The following TMEM207 variants were observed in gnomAD, a reference collection of about 807,000 sequenced individuals.
The protein encoded by TMEM207 is transmembrane protein 207.
Under a neutral mutation model 17.4 loss-of-function variants are expected in TMEM207, and 15 were observed. The observed-to-expected ratio is 0.86, with a 90% CI of 0.58 to 1.33. The LOEUF (loss-of-function observed/expected upper bound fraction) is 1.33. Among genes scored for constraint, TMEM207 ranks in the 40% most tolerant of loss-of-function variants. The probability of loss-of-function intolerance (pLI) is 0.00; values close to 1 mark genes in which losing one functional copy is unlikely to be tolerated. For missense variants in TMEM207, 205 were observed against 173.8 expected (o/e 1.18, Z -1.01); for synonymous variants, 70 against 65.6 (o/e 1.07, Z -0.33).
intron 4 of TMEM207, among the ~76,000 whole-genome samples, chr3:190,434,993 T>A (rs1223874583): frequency 6.6e-6 from 1 of 152,224 alleles, no homozygotes; most frequent in Non-Finnish European, 1.5e-5. Context: ...TTTAAACTGT[T>A]TCTTCTCTTC....
At chr3:190,435,056 C>A (rs758981152) in intron 4 of TMEM207, among the ~76,000 whole-genome samples, 10 of 151,734 alleles carry the variant, frequency 6.6e-5, no homozygotes, top group Admixed American at 2.0e-4. Flanking sequence ...TTCTTCTGAT[C>A]TTCTCCTCTT....
chr3:190,447,777 G>C lies in TMEM207; in HGVS notation c.113+13C>G. 1.2e-6 allele frequency: 2 copies of C among 1,608,600 alleles called. No individual in the cohort carries two copies. The highest frequency in any genetic ancestry group is 8.5e-7 in the Non-Finnish European group (1 of 1,177,840). On this transcript the variant is annotated intron_variant, in intron 2 of 4. Transcript: ENST00000354905. ...GCGAAATAAAAACATGGAGTTTTTC[G>C]CTGTTTACTTACATTTCATCTTCTT...
chr3:190,447,834 C>G lies in TMEM207; in HGVS notation c.76-7G>C. ...GTAGGTCCGAGAGCACCAACTGAAACACATGTTTAGAACAATAAAATCCAA... is the reference window on the plus strand; with the variant it reads ...GTAGGTCCGAGAGCACCAACTGAAAGACATGTTTAGAACAATAAAATCCAA... On this transcript the variant is annotated splice_region_variant and splice_polypyrimidine_tract_variant and intron_variant, in intron 1 of 4. Coordinates refer to ENST00000354905, the MANE Select transcript of TMEM207 (RefSeq NM_207316.3). 6.2e-7 allele frequency: 1 copy of G among 1,612,154 alleles called. No individual in the cohort carries two copies. The highest frequency in any genetic ancestry group is 1.1e-5 in the South Asian group (1 of 90,672).
intron 4 of TMEM207, among the ~76,000 whole-genome samples, chr3:190,439,264 A>C (rs537217748): frequency 6.6e-6 from 1 of 152,074 alleles, no homozygotes; most frequent in East Asian, 1.9e-4. Context: ...AGGAAAAAAA[A>C]AAAGCTGGAG....
intron 4 of TMEM207, 139 bp downstream of exon 4, chr3:190,440,105 C>T: frequency 1.0e-6 from 1 of 961,536 alleles, no homozygotes; most frequent in Non-Finnish European, 1.5e-6. Flanking sequence ...TTAAACTCTC[C>T]TCAGTGCAGG....
chr3:190,431,829 G>A (rs114241546), intron 4 of TMEM207, among the ~76,000 whole-genome samples: 3,417 of 152,208 alleles, frequency 0.022, 60 homozygotes, highest in South Asian at 0.056. Flanking sequence ...AGTTGCTTTC[G>A]TAGAAAACTC....
chr3:190,443,989 A>G (rs905680202), intron 2 of TMEM207, among the ~76,000 whole-genome samples: 1 of 152,182 alleles, frequency 6.6e-6, no homozygotes, highest in Non-Finnish European at 1.5e-5. Flanking sequence ...GATGTCATGG[A>G]GATGATTTCT....
chr3:190,436,155 C>T (rs55766925), intron 4 of TMEM207, among the ~76,000 whole-genome samples: 16,996 of 152,134 alleles, frequency 0.11, 1,551 homozygotes, highest in African/African-American at 0.25. Context: ...TTAATATATT[C>T]AATAAATGGT....
At position 190,440,238 on chromosome 3, in the gene TMEM207, A is replaced by C. The variant is rs748431517; in HGVS notation, c.304+6T>G. ...AAAAGAGTCCAGAAGCGTGCAGACA[A>C]CTCACCATAAATAGAGTCCAAGTCT... is the stretch of plus-strand genomic sequence containing the variant. On this transcript the variant is annotated splice_donor_region_variant and intron_variant, in intron 4 of 4. Transcript: ENST00000354905. The C allele has an allele frequency of 2.5e-6, 4 of 1,611,390 alleles. No homozygotes were observed. In the East Asian group the frequency reaches 8.9e-5, roughly 36 times the overall value.
In TMEM207 at chr3:190,429,676, A is replaced by C; in HGVS notation, c.360T>G (p.Pro120=). Residue 120 remains proline, a synonymous_variant, in exon 5 of 5, where the codon CCT becomes CCG. Transcript: ENST00000354905. The stretch of plus-strand genomic sequence containing the variant: ...ATGGAGCAGGAACAGGATATAGGTC[A>C]GGGGTTTGAGTTTGAAGGTGAATTC... ...TVGIHLQTQT[P]DLYPVPAPCF... is the part of the protein sequence containing the mutation. 1.2e-6 allele frequency: 2 copies of C among 1,612,972 alleles called. No homozygotes were observed. The highest frequency in any genetic ancestry group is 1.1e-5 in the South Asian group (1 of 90,890).
rs985699305 is a variant in TMEM207, at chr3:190,449,731, T to C, written c.75+4A>G. On this transcript the variant is annotated splice_donor_region_variant and intron_variant, in intron 1 of 4. Transcript: ENST00000354905. ...AACCTTAACCCAGAAAGAGAGATAG[T>C]TACCTGGAATAGCGGCAAACACAAG... The C allele has an allele frequency of 6.2e-7, 1 of 1,613,510 alleles. No homozygotes were observed. Among genetic ancestry groups the C allele is most frequent in the Non-Finnish European group, 8.5e-7 (1 of 1,179,656 alleles).
At chr3:190,436,595 C>G (rs1719807563) in intron 4 of TMEM207, among the ~76,000 whole-genome samples, 1 of 152,170 alleles carries the variant, frequency 6.6e-6, no homozygotes, top group African/African-American at 2.4e-5. Context: ...GCCACAAAAG[C>G]AAGTGGTTCT....
At chr3:190,438,373 C>T (rs1719850955) in intron 4 of TMEM207, among the ~76,000 whole-genome samples, 1 of 151,132 alleles carries the variant, frequency 6.6e-6, no homozygotes, top group Non-Finnish European at 1.5e-5. Context: ...TCACTCAGTG[C>T]TAGCACATGC....
At position 190,449,498 on chromosome 3, in the gene TMEM207, G is replaced by A. The variant is rs147465299; in HGVS notation, c.75+237C>T. ...AAACAAAGGTTAAATTTGCAATCAC[G>A]TTATTTCAGTAGCAATAGAACTAAT... On this transcript the variant is annotated intron_variant, in intron 1 of 4. Transcript: ENST00000354905. Among the ~76,000 whole-genome samples, 241 of 152,278 alleles carry A rather than the reference G, an allele frequency of 1.6e-3. 2 individuals are homozygous for A. In the South Asian group the frequency reaches 0.023, roughly 14 times the overall value.
At chr3:190,442,575 A>G (rs1385526286) in intron 2 of TMEM207, among the ~76,000 whole-genome samples, 3 of 152,132 alleles carry the variant, frequency 2.0e-5, no homozygotes, top group Non-Finnish European at 4.4e-5. Flanking sequence ...TCCCCTCCAC[A>G]TATAAATCTC....
At chr3:190,440,493 C>T (rs1189275410) in intron 3 of TMEM207, 104 bp from the exon 4 acceptor site, 16 of 1,024,846 alleles carry the variant, frequency 1.6e-5, no homozygotes, top group African/African-American at 1.6e-5. Flanking sequence ...CTAGACTGGC[C>T]GCAAGCAATG....
At chr3:190,445,504 A>G (rs1720025340) in intron 2 of TMEM207, among the ~76,000 whole-genome samples, 1 of 152,226 alleles carries the variant, frequency 6.6e-6, no homozygotes, top group Admixed American at 6.5e-5. Flanking sequence ...AAACAAATTT[A>G]AATAGGGAAT....
chr3:190,432,449 AG>A (rs1442911245), intron 4 of TMEM207, among the ~76,000 whole-genome samples: 1 of 152,194 alleles, frequency 6.6e-6, no homozygotes, highest in East Asian at 1.9e-4. Context: ...AATGAGATTA[AG>A]GATGTCAAGT....
intron 4 of TMEM207, among the ~76,000 whole-genome samples, chr3:190,433,236 A>G (rs534656174): frequency 1.5e-4 from 23 of 152,116 alleles, no homozygotes; most frequent in Non-Finnish European, 2.9e-4. Context: ...ATCTTTAAAT[A>G]TCTTGCTTCC....
Sources: allele counts gnomAD v4.1 joint callset (sites outside exome capture counted in the v4.1 genomes callset), GRCh38; gene constraint gnomAD v4.1.1; transcripts MANE v1.5; gene names NCBI Gene and HGNC (gene_info 2026-07-23, HGNC 2026-07-21).